PRKG1: variants seen among roughly 807,000 people sequenced by gnomAD.
PRKG1 encodes the protein cGMP-dependent protein kinase 1.
PRKG1 carries 35 observed loss-of-function variants against 88.1 expected under a neutral mutation model. The observed-to-expected ratio is 0.40, with a 90% CI of 0.30 to 0.53. The LOEUF (loss-of-function observed/expected upper bound fraction) is 0.53, where lower values mean the gene tolerates loss of function less well. Among genes scored for constraint, PRKG1 ranks in the 20% least tolerant of loss-of-function variants. The probability of loss-of-function intolerance (pLI) is 0.59; values close to 1 mark genes in which losing one functional copy is unlikely to be tolerated. For synonymous variants in PRKG1, 303 were observed against 292.5 expected, an observed-to-expected ratio of 1.04 and a Z score of -0.37; for missense variants, 540 against 839.8, an observed-to-expected ratio of 0.64 and a Z score of 4.41.
At chr10:51,276,210 C>T (rs369128564) in intron 2 of PRKG1, among the ~76,000 whole-genome samples, 5 of 152,040 alleles carry the variant, frequency 3.3e-5, no homozygotes, top group South Asian at 2.1e-4. Flanking sequence ...TGAGAAAATG[C>T]GGTGTTTGGT....
At chr10:51,163,734 G>C (rs966677847) in intron 2 of PRKG1, among the ~76,000 whole-genome samples, 1 of 152,212 alleles carries the variant, frequency 6.6e-6, no homozygotes, top group East Asian at 1.9e-4. Context: ...CGGCGCACCA[G>C]GAGATTATAT....
At chr10:51,853,015 C>T (rs1840596531) in intron 4 of PRKG1, among the ~76,000 whole-genome samples, 1 of 152,212 alleles carries the variant, frequency 6.6e-6, no homozygotes, top group East Asian at 1.9e-4. Flanking sequence ...CCATTAAACT[C>T]CCTCAAACTG....
chr10:52,104,703 T>G (rs747534284), intron 7 of PRKG1, among the ~76,000 whole-genome samples: 9 of 152,214 alleles, frequency 5.9e-5, no homozygotes, highest in Non-Finnish European at 1.3e-4. Flanking sequence ...TAAGATATAG[T>G]TCAAGAATTG....
intron 7 of PRKG1, among the ~76,000 whole-genome samples, chr10:52,113,784 A>G (rs1847622953): frequency 6.6e-6 from 1 of 152,174 alleles, no homozygotes; most frequent in Non-Finnish European, 1.5e-5. Flanking sequence ...TAAGAATTTA[A>G]TTAGCAAGTT....
intron 7 of PRKG1, 193 bp downstream of exon 7, chr10:52,062,824 A>G (rs1846269368): frequency 1.4e-6 from 1 of 717,336 alleles, no homozygotes; most frequent in Non-Finnish European, 2.6e-6. Flanking sequence ...TTGTGGAATA[A>G]ATTCCTTAAT....
chr10:51,987,200 A>G (rs1019734206), intron 5 of PRKG1, among the ~76,000 whole-genome samples: 7 of 152,150 alleles, frequency 4.6e-5, no homozygotes, highest in African/African-American at 1.7e-4. Context: ...AGTGGTTTGC[A>G]TGTAAATGAT....
chr10:51,110,321 G>C (rs886554741), intron 1 of PRKG1, among the ~76,000 whole-genome samples: 4 of 152,074 alleles, frequency 2.6e-5, no homozygotes, highest in African/African-American at 9.7e-5. Context: ...CAGGTGAATG[G>C]ATAAAGAAAC....
intron 3 of PRKG1, among the ~76,000 whole-genome samples, chr10:51,737,737 A>ATT (rs752573946): frequency 7.3e-6 from 1 of 137,166 alleles, no homozygotes; most frequent in East Asian, 2.1e-4. Context: ...TTATTTATTT[A>ATT]TTAATTATTA....
intron 3 of PRKG1, among the ~76,000 whole-genome samples, chr10:51,538,312 AATT>A (rs1420692283): frequency 1.4e-5 from 2 of 147,448 alleles, no homozygotes; most frequent in African/African-American, 2.5e-5. Flanking sequence ...ATTCGCTGAA[AATT>A]ATTAATATAT....
intron 2 of PRKG1, among the ~76,000 whole-genome samples, chr10:51,227,908 T>C (rs948447188): frequency 3.9e-5 from 6 of 151,928 alleles, no homozygotes; most frequent in African/African-American, 1.5e-4. Context: ...ACTGTGGAGG[T>C]TGAATTTAAT....
At chr10:52,003,646 A>G (rs549808894) in intron 5 of PRKG1, among the ~76,000 whole-genome samples, 32 of 152,346 alleles carry the variant, frequency 2.1e-4, no homozygotes, top group Non-Finnish European at 2.6e-4. Flanking sequence ...GAACCAGACG[A>G]AGAGTCAGGA....
chr10:51,670,333 T>G (rs1393898932), intron 3 of PRKG1, among the ~76,000 whole-genome samples: 1 of 152,050 alleles, frequency 6.6e-6, no homozygotes, highest in Non-Finnish European at 1.5e-5. Flanking sequence ...TATATTGACC[T>G]TGCTTTTTCT....
At chr10:51,173,389 A>G (rs985769464) in intron 2 of PRKG1, among the ~76,000 whole-genome samples, 6 of 150,736 alleles carry the variant, frequency 4.0e-5, no homozygotes, top group South Asian at 2.1e-4. Context: ...TAAATTTTCA[A>G]TTAAGATCAT....
At chr10:52,209,924 T>G (rs879826272) in intron 9 of PRKG1, among the ~76,000 whole-genome samples, 6 of 152,202 alleles carry the variant, frequency 3.9e-5, no homozygotes, top group Admixed American at 6.6e-5. Flanking sequence ...CAACGTATCT[T>G]GAGTAACCAT....
intron 4 of PRKG1, among the ~76,000 whole-genome samples, chr10:51,891,767 C>T (rs1035710275): frequency 2.6e-5 from 4 of 152,178 alleles, no homozygotes; most frequent in Non-Finnish European, 5.9e-5. Context: ...ATAGATAATA[C>T]ACCAGCAAGC....
intron 5 of PRKG1, among the ~76,000 whole-genome samples, chr10:52,028,244 C>A (rs1467740140): frequency 1.3e-5 from 2 of 152,042 alleles, no homozygotes; most frequent in African/African-American, 4.8e-5. Flanking sequence ...GTCCTATATG[C>A]TTTTTAGTTT....
intron 3 of PRKG1, among the ~76,000 whole-genome samples, chr10:51,693,362 TTTG>T (rs1410283255): frequency 1.3e-5 from 2 of 150,972 alleles, no homozygotes; most frequent in African/African-American, 4.9e-5. Context: ...AAGCACCAGG[TTTG>T]TTATTTTTAA....
At chr10:51,863,468 C>T (rs1840938033) in intron 4 of PRKG1, among the ~76,000 whole-genome samples, 1 of 152,148 alleles carries the variant, frequency 6.6e-6, no homozygotes, top group African/African-American at 2.4e-5. Context: ...CAATCTCAAC[C>T]TCCTCTTTAA....
intron 3 of PRKG1, among the ~76,000 whole-genome samples, chr10:51,486,261 C>T (rs1419714264): frequency 6.6e-6 from 1 of 152,060 alleles, no homozygotes; most frequent in East Asian, 1.9e-4. Context: ...CCCCCATCCC[C>T]TGACAACTAC....
Sources: gnomAD v4.1 joint callset for allele counts (sites outside exome capture counted in the v4.1 genomes callset) on GRCh38, gnomAD v4.1.1 for gene constraint, MANE v1.5 for transcripts, NCBI Gene and HGNC (gene_info 2026-07-23, HGNC 2026-07-21) for gene names.